ABCA12: variants seen among roughly 807,000 people sequenced by gnomAD.
The protein encoded by ABCA12 is glucosylceramide transporter ABCA12.
In ABCA12, 156 loss-of-function variants were observed where a neutral mutation model predicts 293.5. The observed-to-expected ratio is 0.53, with a 90% CI of 0.47 to 0.61. ABCA12 has a LOEUF of 0.61. Among genes scored for constraint, ABCA12 ranks in the 20% least tolerant of loss-of-function variants. The pLI, the probability that ABCA12 is intolerant of heterozygous loss-of-function variation, is 0.00. For missense variants in ABCA12, 2,797 were observed against 3,090.2 expected (o/e 0.91, Z 2.25); for synonymous variants, 1,063 against 1,108.0 (o/e 0.96, Z 0.81).
chr2:214,944,551 G>A (rs540675416), intron 49 of ABCA12, among the ~76,000 whole-genome samples: 2 of 152,094 alleles, frequency 1.3e-5, no homozygotes, highest in Admixed American at 6.6e-5. Context: ...GATAGGAGAG[G>A]GTGTTGCAGG....
intron 39 of ABCA12, among the ~76,000 whole-genome samples, chr2:214,966,525 A>G (rs1301805100): frequency 1.3e-5 from 2 of 152,222 alleles, no homozygotes; most frequent in Non-Finnish European, 2.9e-5. Flanking sequence ...GTTTTTAAAA[A>G]TTGTTTAGCC....
intron 1 of ABCA12, among the ~76,000 whole-genome samples, chr2:215,134,762 C>T (rs1236644028): frequency 6.6e-6 from 1 of 150,666 alleles, no homozygotes; most frequent in African/African-American, 2.4e-5. Context: ...ATCCTCCCAC[C>T]GCAACTTCCC....
At chr2:215,029,878 T>C (rs1448935143) in intron 9 of ABCA12, among the ~76,000 whole-genome samples, 2 of 152,162 alleles carry the variant, frequency 1.3e-5, no homozygotes, top group Non-Finnish European at 2.9e-5. Context: ...ATAATGACTT[T>C]AGAACAAAAA....
At chr2:214,934,282 C>G (rs1698152765) in intron 51 of ABCA12, 67 bp from the exon 52 acceptor site, 1 of 1,571,788 alleles carries the variant, frequency 6.4e-7, no homozygotes, top group Non-Finnish European at 8.8e-7. Context: ...CTAGACATAA[C>G]TTTACCAAGA....
In ABCA12 at chr2:214,949,070, C is replaced by A; in HGVS notation, c.6932G>T (p.Ser2311Ile). 1 of 1,613,738 alleles carries A rather than the reference C, an allele frequency of 6.2e-7. No individual in the cohort carries two copies. The highest frequency in any genetic ancestry group is 8.5e-7 in the Non-Finnish European group (1 of 1,179,868). Residue 2311 changes from serine (S) to isoleucine (I), a missense_variant, in exon 46 of 53, where the codon AGT becomes ATT. Transcript: ENST00000272895. ...CTTATTTCTGATCAGAATGTTTCCA[C>A]TTGAAGGAATGATGTCTCCTGTCAG... ...KMLTGDIIPS[S>I]GNILIRNKTG... is the part of the protein sequence containing the mutation.
chr2:214,953,767 GAAAAGCTTAGACTATTGACT>G, intron 44 of ABCA12, 67 bp downstream of exon 44: 3 of 1,504,418 alleles, frequency 2.0e-6, no homozygotes, highest in Admixed American at 2.1e-5. Context: ...ATTACCAATG[GAAAAGCTTAGACTATTGACT>G]TCTTTCTCAA....
intron 1 of ABCA12, among the ~76,000 whole-genome samples, chr2:215,133,149 A>ATTTTTTTTTTTTT (rs55641331): frequency 1.1e-4 from 4 of 34,830 alleles, no homozygotes; most frequent in Non-Finnish European, 1.4e-4. Context: ...GCTGGCTTTA[A>ATTTTTTTTTTTTT]TTTTTTTTTT....
At chr2:215,017,161 A>G (rs1277514007) in intron 14 of ABCA12, among the ~76,000 whole-genome samples, 1 of 152,220 alleles carries the variant, frequency 6.6e-6, no homozygotes, top group Non-Finnish European at 1.5e-5. Context: ...GGAACCTTAA[A>G]GGCTTTTTAG....
Position 215,008,714 on chromosome 2 carries a change from C to T in ABCA12, c.2473-868G>A, listed in dbSNP as rs1574979277. 4.0e-5 allele frequency among the ~76,000 whole-genome samples: 6 copies of T among 151,614 alleles called. No homozygotes were observed. In the South Asian group the frequency reaches 1.0e-3, roughly 26 times the overall value. ...AGGAAGATGCATATATGAATGCTAA[C>T]ATACATTAGTTTATATGAAAGGAAG... On this transcript the variant is annotated intron_variant, in intron 18 of 52. Coordinates refer to ENST00000272895, the MANE Select transcript of ABCA12 (RefSeq NM_173076.3).
intron 15 of ABCA12, among the ~76,000 whole-genome samples, chr2:215,013,967 G>A (rs970904273): frequency 1.3e-5 from 2 of 152,236 alleles, no homozygotes; most frequent in East Asian, 1.9e-4. Context: ...GATCACTTGA[G>A]GTCAGGAGTT....
At chr2:215,076,415 A>C (rs1158502792) in intron 2 of ABCA12, among the ~76,000 whole-genome samples, 1 of 152,184 alleles carries the variant, frequency 6.6e-6, no homozygotes, top group Non-Finnish European at 1.5e-5. Context: ...TCTAAGAAAA[A>C]GTTCTTTTTT....
intron 23 of ABCA12, among the ~76,000 whole-genome samples, chr2:214,993,495 T>G (rs1024836984): frequency 6.6e-6 from 1 of 152,254 alleles, no homozygotes; most frequent in Admixed American, 6.5e-5. Context: ...GATATTCACC[T>G]GTTCCAATAT....
chr2:215,080,807 C>T (rs1701922374), intron 2 of ABCA12: 1 of 152,926 alleles, frequency 6.5e-6, no homozygotes, highest in African/African-American at 2.4e-5. Flanking sequence ...ATCTTAAGTG[C>T]TGTATTCCAC....
chr2:215,042,565 A>C (rs1008978978), intron 7 of ABCA12, among the ~76,000 whole-genome samples: 4 of 152,160 alleles, frequency 2.6e-5, no homozygotes, highest in Admixed American at 1.3e-4. Flanking sequence ...GTTTTATTTT[A>C]TTTTTAATTG....
At position 214,955,090 on chromosome 2, in the gene ABCA12, C is replaced by T. The variant is rs1393924957; in HGVS notation, c.6393+112G>A. 3.6e-6 allele frequency: 5 copies of T among 1,371,410 alleles called. No individual in the cohort carries two copies. The African/African-American group carries it at 5.9e-5, about 16-fold the overall frequency. 85.0% of individuals were successfully genotyped at this position (1,371,410 alleles called of 1,614,324 possible). ...TTAAAAGCTGTAGTTTCTCCTCTCC[C>T]AAATTTAATAGAATCAAATGATATT... On this transcript the variant is annotated intron_variant, in intron 43 of 52. Coordinates refer to ENST00000272895, the MANE Select transcript of ABCA12 (RefSeq NM_173076.3).
intron 9 of ABCA12, among the ~76,000 whole-genome samples, chr2:215,027,911 T>C (rs1241654523): frequency 6.6e-6 from 1 of 152,160 alleles, no homozygotes; most frequent in Non-Finnish European, 1.5e-5. Flanking sequence ...TTCAAAGTGA[T>C]TGGCATGTAA....
At chr2:214,966,612 G>A (rs541471103) in intron 39 of ABCA12, among the ~76,000 whole-genome samples, 11 of 152,216 alleles carry the variant, frequency 7.2e-5, no homozygotes, top group East Asian at 1.9e-4. Flanking sequence ...TGCACGTGAC[G>A]TCAGCATTAT....
chr2:215,020,868 A>G (rs2106015304), intron 11 of ABCA12: 1 of 151,934 alleles, frequency 6.6e-6, no homozygotes, highest in South Asian at 2.1e-4. Flanking sequence ...CTCCTGGCTA[A>G]TTTTTTGTAT....
chr2:215,040,246 C>A (rs1301292217), intron 7 of ABCA12, among the ~76,000 whole-genome samples: 1 of 152,046 alleles, frequency 6.6e-6, no homozygotes, highest in Non-Finnish European at 1.5e-5. Flanking sequence ...AAATAAAAGT[C>A]AGATGCTATT....
Sources: allele counts gnomAD v4.1 joint callset (sites outside exome capture counted in the v4.1 genomes callset), GRCh38; gene constraint gnomAD v4.1.1; transcripts MANE v1.5; gene names NCBI Gene and HGNC (gene_info 2026-07-23, HGNC 2026-07-21).